MEGF8: variants seen among roughly 807,000 people sequenced by gnomAD.
MEGF8 encodes the protein multiple EGF like domains 8, also known as multiple epidermal growth factor-like domains protein 8.
A neutral mutation model predicts 302.9 loss-of-function variants in MEGF8; 156 were observed. The observed-to-expected ratio is 0.52, with a 90% CI of 0.45 to 0.59. The LOEUF is 0.59. Ranked by LOEUF, MEGF8 falls within the 20% of genes least tolerant of loss-of-function variation. MEGF8 has a pLI of 0.00. For synonymous variants in MEGF8, 1,621 were observed against 1,660.5 expected (o/e 0.98, Z 0.58); for missense variants, 3,345 against 3,964.5 (o/e 0.84, Z 4.20).
rs1466337776 is a variant in MEGF8 at position 42,376,368 on chromosome 19, C to G, written c.8131C>G (p.Pro2711Ala). 8 of 1,613,286 alleles carry G rather than the reference C, an allele frequency of 5.0e-6. No homozygotes were observed. The highest frequency in any genetic ancestry group is 6.8e-6 in the Non-Finnish European group (8 of 1,179,822). ...CTGCTTCCCACCTGACCCTACTGCC[C>G]CGGCCTCCGCCTGGAAGCCGGCTGG... ...TVCFPPDPTA[P>A]ASAWKPAGLP... Residue 2711 changes from proline (P) to alanine (A), a missense_variant, in exon 42 of 42, where the codon CCG becomes GCG. Coordinates refer to ENST00000251268, the MANE Select transcript of MEGF8 (RefSeq NM_001271938.2). The surrounding 1 kb of genome is among the most constrained non-coding windows in gnomAD (Gnocchi z 8.2).
rs1264761799 is a variant in MEGF8, at chr19:42,369,762, C to T, written c.6834+39C>T. On this transcript the variant is annotated intron_variant, in intron 38 of 41. Transcript: ENST00000251268. This position sits in a 1 kb window ranked among gnomAD's most constrained non-coding sequence, Gnocchi z 5.7. ...AGCCTCAGACCCCCGACCCTGGGACCCAGGCCCTCACTTGCCTTCATCCCA... is the reference window on the plus strand; with the variant it reads ...AGCCTCAGACCCCCGACCCTGGGACTCAGGCCCTCACTTGCCTTCATCCCA... 9.7e-6 allele frequency: 15 copies of T among 1,554,090 alleles called. No homozygotes were observed. The highest frequency in any genetic ancestry group is 1.3e-5 in the Non-Finnish European group (15 of 1,151,684).
chr19:42,348,223 TG>T, intron 12 of MEGF8, 48 bp from the exon 13 acceptor site: 2 of 1,478,050 alleles, frequency 1.4e-6, no homozygotes. Flanking sequence ...TGATGTGGCC[TG>T]TGAGTCCAGA....
rs749927655 is a variant in MEGF8 at position 42,376,234 on chromosome 19, G to T, written c.7997G>T (p.Cys2666Phe). ...FSCFFLFLSL[C>F]VLLWKAKQAL... ...TGCTTCTTCCTCTTCCTCTCACTCT[G>T]TGTGCTCCTCTGGAAGGCCAAGCAG... Residue 2666 changes from cysteine (C) to phenylalanine (F), a missense_variant, in exon 42 of 42, where the codon TGT (cysteine) becomes TTT (phenylalanine). Transcript: ENST00000251268. This position sits in a 1 kb window ranked among gnomAD's most constrained non-coding sequence, Gnocchi z 8.2. 6.2e-7 allele frequency: 1 copy of T among 1,606,018 alleles called. No individual in the cohort carries two copies. Among genetic ancestry groups the T allele is most frequent in the South Asian group, 1.1e-5 (1 of 90,180 alleles).
chr19:42,337,054 G>T (rs1404997635), intron 7 of MEGF8, 30 bp from the exon 8 acceptor site: 1 of 1,613,286 alleles, frequency 6.2e-7, no homozygotes, highest in Non-Finnish European at 8.5e-7. Flanking sequence ...CCCTAGGCTT[G>T]CCAGCTATGC....
rs1436403322 is a variant in MEGF8 at position 42,349,545 on chromosome 19, G to T, written c.2345G>T (p.Arg782Leu). The change falls in exon 14 of 42, where the codon CGG (arginine) becomes CTG (leucine). Residue 782 changes from arginine to leucine, a missense_variant. Physicochemically the swap from Arg to Leu is moderately radical, Grantham distance 102. Transcript: ENST00000251268. ...GCTCATCAGGAGAAGGAGACGCGGCGGCTGCAGCGCCCTGGGTCTGCTCGC... is the reference window on the plus strand; with the variant it reads ...GCTCATCAGGAGAAGGAGACGCGGCTGCTGCAGCGCCCTGGGTCTGCTCGC... ...WVAHQEKETRRLQRPGSARLF... is the reference protein window; with the variant it reads ...WVAHQEKETRLLQRPGSARLF... The T allele has an allele frequency of 6.2e-7, 1 of 1,611,924 alleles. No individual in the cohort carries two copies. The highest frequency in any genetic ancestry group is 1.3e-5 in the African/African-American group (1 of 74,876).
rs530352032 is a variant in MEGF8, at chr19:42,337,752, C to T, written c.1513+546C>T. Among the ~76,000 whole-genome samples, 546 of 151,936 alleles carry T rather than the reference C, an allele frequency of 3.6e-3. 3 individuals are homozygous for T. Among genetic ancestry groups the T allele is most frequent in the Non-Finnish European group, 6.2e-3 (418 of 67,962 alleles). On this transcript the variant is annotated intron_variant, in intron 8 of 41. Coordinates refer to ENST00000251268, the MANE Select transcript of MEGF8 (RefSeq NM_001271938.2). ...CGATTTCCTGACCTCATGATCTGCC[C>T]GCCTCGGCCTCCCAAAGTGCTGGGA...
rs144628745 is a variant in MEGF8 at position 42,355,849 on chromosome 19, C to T, written c.4236C>T (p.Pro1412=). The T allele has an allele frequency of 9.0e-5, 141 of 1,567,090 alleles. No homozygotes were observed. Among genetic ancestry groups the T allele is most frequent in the Non-Finnish European group, 1.2e-4 (136 of 1,156,080 alleles). ...CTGCCCGCTGTGGGTCAGGGGGCCC[C>T]GGGAGCTGTCCCGTCCCCCAGGAAT... ...VGSARCGSGG[P]GSCPVPQECV... is the part of the protein sequence containing the mutation. The change falls in exon 24 of 42, where the codon CCC becomes CCT. Residue 1412 remains proline (P), a synonymous_variant. Transcript: ENST00000251268.
intron 41 of MEGF8, among the ~76,000 whole-genome samples, chr19:42,372,662 T>A (rs965451560): frequency 5.9e-5 from 9 of 152,260 alleles, no homozygotes; most frequent in African/African-American, 1.7e-4. Flanking sequence ...ATTTTTTTTT[T>A]AATTTTTAAT....
rs762892185 is a variant in MEGF8 at position 42,334,136 on chromosome 19, G to A, written c.481G>A (p.Glu161Lys). The A allele has an allele frequency of 1.6e-4, 252 of 1,611,894 alleles. No individual in the cohort carries two copies. The highest frequency in any genetic ancestry group is 1.8e-4 in the Non-Finnish European group (207 of 1,179,738). Residue 161 changes from glutamate to lysine, a missense_variant, in exon 3 of 42, where the codon GAG becomes AAG. Physicochemically the swap from Glu to Lys is moderately conservative, Grantham distance 56 (BLOSUM62 1). Transcript: ENST00000251268. ...QCQPPGVCAC[E>K]PGWGGPDCGL... The stretch of plus-strand genomic sequence containing the variant: ...CCAGCCACCGGGTGTGTGTGCCTGC[G>A]AGCCGGGCTGGGGGGGTCCTGACTG...
At chr19:42,373,689 C>T (rs990463851) in intron 41 of MEGF8, among the ~76,000 whole-genome samples, 1 of 149,610 alleles carries the variant, frequency 6.7e-6, no homozygotes, top group Non-Finnish European at 1.5e-5. Flanking sequence ...AGCCACCGTG[C>T]CTGGTTGGGC....
In MEGF8 at chr19:42,356,033, G is replaced by C. The variant is rs745965263; in HGVS notation, c.4392+28G>C. The stretch of plus-strand genomic sequence containing the variant: ...ACAGGTGGGAGAGGGCAAGTCTGGT[G>C]GGACAGGGCTGGTGATCAGGGCTCC... On this transcript the variant is annotated intron_variant, in intron 24 of 41. Coordinates refer to ENST00000251268, the MANE Select transcript of MEGF8 (RefSeq NM_001271938.2). The surrounding 1 kb of genome is among the most constrained non-coding windows in gnomAD (Gnocchi z 5.2). 5.6e-6 allele frequency: 9 copies of C among 1,604,082 alleles called. No homozygotes were observed. The highest frequency in any genetic ancestry group is 1.7e-5 in the Admixed American group (1 of 59,684).
chr19:42,355,678 A>G, intron 23 of MEGF8, 80 bp from the exon 24 acceptor site: 5 of 1,468,204 alleles, frequency 3.4e-6, no homozygotes, highest in Non-Finnish European at 4.5e-6. Context: ...GCCCAGTCAC[A>G]CTGGGTTTTC....
At chr19:42,347,940 G>C (rs1239985618) in intron 12 of MEGF8, among the ~76,000 whole-genome samples, 1 of 152,156 alleles carries the variant, frequency 6.6e-6, no homozygotes, top group East Asian at 1.9e-4. Flanking sequence ...TTGAATATTA[G>C]ATCTGGGCTT....
intron 35 of MEGF8, among the ~76,000 whole-genome samples, chr19:42,366,823 A>G (rs1182938056): frequency 6.6e-6 from 1 of 151,974 alleles, no homozygotes; most frequent in African/African-American, 2.4e-5. Flanking sequence ...AGGGTTCTCT[A>G]CCCCTCCCAG....
chr19:42,340,164 A>G (rs2039192126), intron 8 of MEGF8, among the ~76,000 whole-genome samples: 1 of 152,224 alleles, frequency 6.6e-6, no homozygotes, highest in Admixed American at 6.5e-5. Context: ...GTAAGAGTAA[A>G]TTGAGATGAT....
rs11878297 is a variant in MEGF8, at chr19:42,378,627, G to C, written c.*1852G>C. 8.3e-3 allele frequency: 1,282 copies of C among 153,906 alleles called. 16 individuals carry two copies. The highest frequency in any genetic ancestry group is 0.028 in the African/African-American group (1,150 of 41,556). The allele number at this position is 153,906 out of a possible 1,614,324, so 9.5% of individuals were successfully genotyped here. ...GACTTCCATCACTAGCTCCTGGAGG[G>C]ACTGGACTTTGCATCTTCCCTTCGC... On this transcript the variant is annotated 3_prime_UTR_variant, in exon 42 of 42. Coordinates refer to ENST00000251268, the MANE Select transcript of MEGF8 (RefSeq NM_001271938.2).
At chr19:42,332,066 A>G (rs1052712018) in intron 1 of MEGF8, among the ~76,000 whole-genome samples, 19 of 152,008 alleles carry the variant, frequency 1.2e-4, no homozygotes, top group African/African-American at 4.3e-4. Flanking sequence ...CATGTTGGCC[A>G]GGCTGTTCTG....
Position 42,334,167 on chromosome 19 carries a change from T to A in MEGF8, c.512T>A (p.Leu171Gln), listed in dbSNP as rs1416065294. 1 of 1,610,842 alleles carries A rather than the reference T, an allele frequency of 6.2e-7. No homozygotes were observed. Among genetic ancestry groups the A allele is most frequent in the South Asian group, 1.1e-5 (1 of 90,990 alleles). ...EPGWGGPDCG[L>Q]QECSAYCGSH... ...GGCTGGGGGGGTCCTGACTGTGGCC[T>A]GCAGGAGTGCTCAGCCTACTGTGGC... Residue 171 changes from leucine (L) to glutamine (Q), a missense_variant, in exon 3 of 42, where the codon CTG becomes CAG. Physicochemically the swap from Leu to Gln is moderately radical, Grantham distance 113 (BLOSUM62 -2). Coordinates refer to ENST00000251268, the MANE Select transcript of MEGF8 (RefSeq NM_001271938.2).
chr19:42,373,932 C>G (rs567659949), intron 41 of MEGF8, among the ~76,000 whole-genome samples: 6 of 151,856 alleles, frequency 4.0e-5, no homozygotes, highest in African/African-American at 1.5e-4. Context: ...AGACTGGTCT[C>G]GAACTCCTGG....
Sources: gnomAD v4.1 joint callset for allele counts (sites outside exome capture counted in the v4.1 genomes callset) on GRCh38, gnomAD v4.1.1 for gene constraint, Gnocchi (gnomAD v3.1) non-coding constraint, MANE v1.5 for transcripts, NCBI Gene and HGNC (gene_info 2026-07-23, HGNC 2026-07-21) for gene names.